HSPB8: variants seen among roughly 807,000 people sequenced by gnomAD.
HSPB8 encodes the protein heat shock protein beta-8.
HSPB8 carries 9 observed loss-of-function variants against 16.5 expected under a neutral mutation model. The observed-to-expected ratio is 0.55, with a 90% CI of 0.33 to 0.95. The LOEUF is 0.95. Ranked by LOEUF, HSPB8 falls within the 40% of genes least tolerant of loss-of-function variation. The pLI, the probability that HSPB8 is intolerant of heterozygous loss-of-function variation, is 0.03. For missense variants in HSPB8, 238 were observed against 251.2 expected, an observed-to-expected ratio of 0.95 and a Z score of 0.35; for synonymous variants, 99 against 94.8, an observed-to-expected ratio of 1.04 and a Z score of -0.26.
At chr12:119,193,671 A>C in intron 2 of HSPB8, 28 bp from the exon 3 acceptor site, 1 of 1,611,990 alleles carries the variant, frequency 6.2e-7, no homozygotes, top group Non-Finnish European at 8.5e-7. Flanking sequence ...AACAACAATA[A>C]ATGAATAAAA....
At chr12:119,192,173 C>A (rs746149035) in intron 2 of HSPB8, among the ~76,000 whole-genome samples, 1 of 152,142 alleles carries the variant, frequency 6.6e-6, no homozygotes, top group Non-Finnish European at 1.5e-5. Flanking sequence ...CATAAAAATA[C>A]CTTATTAGAA....
intron 2 of HSPB8, among the ~76,000 whole-genome samples, chr12:119,188,245 C>G (rs1475090542): frequency 1.1e-5 from 1 of 94,114 alleles, no homozygotes; most frequent in East Asian, 2.4e-4. Flanking sequence ...CTCTCTCTCT[C>G]TCTTTTTTTT....
chr12:119,193,799 G>A lies in HSPB8; in HGVS notation c.532G>A (p.Gly178Arg), dbSNP rs1954727368. The A allele has an allele frequency of 6.2e-7, 1 of 1,614,040 alleles. No homozygotes were observed. The highest frequency in any genetic ancestry group is 1.7e-5 in the Admixed American group (1 of 60,006). ...CCAGGTCCCTCCTTACTCAACATTT[G>A]GAGAGAGCAGTTTCAACAACGAGCT... Reference protein sequence around the residue: ...APQVPPYSTFGESSFNNELPQ... With the variant: ...APQVPPYSTFRESSFNNELPQ... Residue 178 changes from glycine to arginine, a missense_variant, in exon 3 of 3, where the codon GGA becomes AGA. Coordinates refer to ENST00000281938, the MANE Select transcript of HSPB8 (RefSeq NM_014365.3).
At chr12:119,188,961 C>T in intron 2 of HSPB8, among the ~76,000 whole-genome samples, 1 of 152,202 alleles carries the variant, frequency 6.6e-6, no homozygotes, top group East Asian at 1.9e-4. Context: ...TCTGAGGCTT[C>T]TTCCAGCTTG....
intron 1 of HSPB8, among the ~76,000 whole-genome samples, chr12:119,184,229 A>G (rs1954658214): frequency 6.6e-6 from 1 of 152,196 alleles, no homozygotes; most frequent in South Asian, 2.1e-4. Flanking sequence ...AATGACAATA[A>G]TGAAAATGCC....
chr12:119,190,657 CTT>C (rs1954706799), intron 2 of HSPB8, among the ~76,000 whole-genome samples: 1 of 151,150 alleles, frequency 6.6e-6, no homozygotes, highest in East Asian at 1.9e-4. Context: ...GTTTTTTTTT[CTT>C]TTAGATCATC....
rs1471972427 is a variant in HSPB8, at chr12:119,194,423, C to G, written c.*565C>G. On this transcript the variant is annotated 3_prime_UTR_variant, in exon 3 of 3. Transcript: ENST00000281938. ...CAAACAGTGCCTTCTGCCCTCTGCC[C>G]AGATGTGTCCAGCACGTTCTCAAAG... 5.3e-6 allele frequency: 1 copy of G among 189,592 alleles called. No homozygotes were observed. The highest frequency in any genetic ancestry group is 2.4e-5 in the African/African-American group (1 of 42,266). 11.7% of individuals were successfully genotyped at this position (189,592 alleles called of 1,614,324 possible).
At chr12:119,189,325 G>A (rs989545255) in intron 2 of HSPB8, among the ~76,000 whole-genome samples, 3 of 151,672 alleles carry the variant, frequency 2.0e-5, no homozygotes, top group African/African-American at 7.3e-5. Flanking sequence ...GTGTGTGTGT[G>A]TGTGTGTGTG....
chr12:119,179,146 G>A lies in HSPB8; in HGVS notation c.-167G>A, dbSNP rs1592927240. 1.4e-6 allele frequency: 1 copy of A among 733,642 alleles called. No homozygotes were observed. The highest frequency in any genetic ancestry group is 2.7e-5 in the East Asian group (1 of 37,258). The allele number at this position is 733,642 out of a possible 1,614,324, so 45.4% of individuals were successfully genotyped here. On this transcript the variant is annotated 5_prime_UTR_variant, in exon 1 of 3. Coordinates refer to ENST00000281938, the MANE Select transcript of HSPB8 (RefSeq NM_014365.3). ...TGGGGGCTGGGACCCCAGTCGAGGG[G>A]ACACAACCGTCCCTGGCAGTGGTTG... is the stretch of plus-strand genomic sequence containing the variant.
At chr12:119,184,475 C>T (rs1277515381) in intron 1 of HSPB8, among the ~76,000 whole-genome samples, 2 of 152,152 alleles carry the variant, frequency 1.3e-5, no homozygotes, top group African/African-American at 4.8e-5. Flanking sequence ...GGTCTCCCGG[C>T]GCCCTGGCTG....
chr12:119,186,927 C>A (rs1443005697), intron 1 of HSPB8, 98 bp from the exon 2 acceptor site: 2 of 1,137,810 alleles, frequency 1.8e-6, no homozygotes, highest in Non-Finnish European at 2.7e-6. Flanking sequence ...AGTCACACAG[C>A]AAGGCAGGTC....
chr12:119,184,070 A>G (rs1954656699), intron 1 of HSPB8, among the ~76,000 whole-genome samples: 1 of 152,210 alleles, frequency 6.6e-6, no homozygotes, highest in African/African-American at 2.4e-5. Flanking sequence ...GAGATGTGCC[A>G]GGAAATGTCA....
chr12:119,183,629 A>C (rs2014814553), intron 1 of HSPB8, among the ~76,000 whole-genome samples: 1 of 152,234 alleles, frequency 6.6e-6, no homozygotes, highest in Non-Finnish European at 1.5e-5. Flanking sequence ...TCATGATAAA[A>C]TATGTAGTTA....
chr12:119,180,430 G>T (rs1220722763), intron 1 of HSPB8, among the ~76,000 whole-genome samples: 1 of 152,206 alleles, frequency 6.6e-6, no homozygotes, highest in Admixed American at 6.5e-5. Context: ...GGTGCCAAGG[G>T]TGGGCTGACA....
Position 119,194,268 on chromosome 12 carries a change from A to C in HSPB8, c.*410A>C. On this transcript the variant is annotated 3_prime_UTR_variant, in exon 3 of 3. Transcript: ENST00000281938. The stretch of plus-strand genomic sequence containing the variant: ...GGCTCCCGATTCCCATGGCTCCCAA[A>C]CCATGCCGCATGGTTTGGTTAATGA... 3.4e-6 allele frequency: 1 copy of C among 290,840 alleles called. No homozygotes were observed. The highest frequency in any genetic ancestry group is 6.6e-6 in the Non-Finnish European group (1 of 151,296). The allele number at this position is 290,840 out of a possible 1,614,324, so 18.0% of individuals were successfully genotyped here.
intron 1 of HSPB8, chr12:119,182,146 C>T (rs1385117370): frequency 1.3e-5 from 2 of 152,186 alleles, no homozygotes; most frequent in African/African-American, 4.8e-5. Flanking sequence ...AATCCAGAGG[C>T]TTTGGGTGAG....
In HSPB8 at chr12:119,187,104, T is replaced by A; in HGVS notation, c.431+16T>A. On this transcript the variant is annotated intron_variant, in intron 2 of 2. Transcript: ENST00000281938. ...AGAAAATCCAGTAAGTAACCTGGAG[T>A]CATGGAGCTCAGGGTGGGAGTGGAG... 6.2e-7 allele frequency: 1 copy of A among 1,608,450 alleles called. No individual in the cohort carries two copies. The highest frequency in any genetic ancestry group is 8.5e-7 in the Non-Finnish European group (1 of 1,175,106).
In HSPB8 at chr12:119,179,428, C is replaced by T. The variant is rs771827550; in HGVS notation, c.116C>T (p.Pro39Leu). 12 of 1,614,028 alleles carry T rather than the reference C, an allele frequency of 7.4e-6. No homozygotes were observed. Among genetic ancestry groups the T allele is most frequent in the Admixed American group, 3.3e-5 (2 of 60,012 alleles). ...RLLDDGFGMD[P>L]FPDDLTASWP... The stretch of plus-strand genomic sequence containing the variant: ...CTGGATGATGGCTTTGGCATGGACC[C>T]CTTCCCAGACGACTTGACAGCCTCT... The change falls in exon 1 of 3, where the codon CCC becomes CTC. Residue 39 changes from proline to leucine, a missense_variant. Coordinates refer to ENST00000281938, the MANE Select transcript of HSPB8 (RefSeq NM_014365.3).
chr12:119,188,742 C>T (rs1954692685), intron 2 of HSPB8, among the ~76,000 whole-genome samples: 1 of 152,188 alleles, frequency 6.6e-6, no homozygotes, highest in Non-Finnish European at 1.5e-5. Context: ...ATGCTCAGTC[C>T]TTGGGCAAGG....
Sources: allele counts gnomAD v4.1 joint callset (sites outside exome capture counted in the v4.1 genomes callset), GRCh38; gene constraint gnomAD v4.1.1; transcripts MANE v1.5; gene names NCBI Gene and HGNC (gene_info 2026-07-23, HGNC 2026-07-21).